The following CDH13 variants were observed in gnomAD, a reference collection of about 807,000 sequenced individuals.
The protein encoded by CDH13 is cadherin 13.
Under a neutral mutation model 63.8 loss-of-function variants are expected in CDH13, and 24 were observed. The ratio of observed to expected loss-of-function variants is 0.38; its 90% CI spans 0.27 to 0.53. The LOEUF (loss-of-function observed/expected upper bound fraction) is 0.53, where lower values mean the gene tolerates loss of function less well. Among genes scored for constraint, CDH13 ranks in the 20% least tolerant of loss-of-function variants. CDH13 has a pLI of 0.85. For synonymous variants in CDH13, 503 were observed against 355.3 expected (o/e 1.42, Z -4.67); for missense variants, 1,049 against 903.1 (o/e 1.16, Z -2.07).
intron 7 of CDH13, among the ~76,000 whole-genome samples, chr16:83,547,983 A>G (rs2075419578): frequency 6.6e-6 from 1 of 152,188 alleles, no homozygotes; most frequent in Non-Finnish European, 1.5e-5. Flanking sequence ...CTTCCTTGGT[A>G]TCTGCAGAGC....
chr16:82,751,809 C>G (rs1302114282), intron 1 of CDH13, among the ~76,000 whole-genome samples: 1 of 152,036 alleles, frequency 6.6e-6, no homozygotes. Flanking sequence ...TTACATACAG[C>G]CTTTAGTTTA....
At chr16:83,331,129 A>T (rs1162473190) in intron 5 of CDH13, among the ~76,000 whole-genome samples, 3 of 152,192 alleles carry the variant, frequency 2.0e-5, no homozygotes, top group African/African-American at 7.2e-5. Context: ...CTGATAAGGG[A>T]CGGACTTGGG....
chr16:83,567,481 G>C (rs1366308610), intron 7 of CDH13, among the ~76,000 whole-genome samples: 1 of 152,294 alleles, frequency 6.6e-6, no homozygotes, highest in East Asian at 1.9e-4. Context: ...GCTAGTAAAT[G>C]GCAGAGCTGG....
intron 5 of CDH13, among the ~76,000 whole-genome samples, chr16:83,251,655 T>C (rs1324827598): frequency 1.3e-5 from 2 of 152,254 alleles, no homozygotes; most frequent in Admixed American, 6.5e-5. Context: ...GGATGGTCTG[T>C]GGCCATTGGC....
chr16:82,748,187 G>A (rs369791803), intron 1 of CDH13, among the ~76,000 whole-genome samples: 1 of 152,134 alleles, frequency 6.6e-6, no homozygotes, highest in Admixed American at 6.5e-5. Flanking sequence ...CCCTGGCCAC[G>A]TCTCTGTAGT....
At chr16:83,720,283 A>G (rs1477591221) in intron 10 of CDH13, among the ~76,000 whole-genome samples, 1 of 151,870 alleles carries the variant, frequency 6.6e-6, no homozygotes, top group Non-Finnish European at 1.5e-5. Flanking sequence ...CTGCACCCAC[A>G]TGCAAGTACT....
intron 1 of CDH13, among the ~76,000 whole-genome samples, chr16:82,708,900 A>C (rs1483294358): frequency 1.3e-5 from 2 of 152,166 alleles, no homozygotes; most frequent in African/African-American, 4.8e-5. Flanking sequence ...TCTCTTATAA[A>C]TTGATAACTT....
intron 5 of CDH13, among the ~76,000 whole-genome samples, chr16:83,274,316 G>C (rs975696764): frequency 3.3e-5 from 5 of 152,192 alleles, no homozygotes; most frequent in Admixed American, 3.3e-4. Context: ...TTGTGGATCA[G>C]AGACCTCTCA....
chr16:83,707,836 C>CAAAAAAAAATAAAA (rs1907341315), intron 10 of CDH13, among the ~76,000 whole-genome samples: 1 of 78,902 alleles, frequency 1.3e-5, no homozygotes, highest in Non-Finnish European at 2.3e-5. Flanking sequence ...ACCCTAAAGG[C>CAAAAAAAAATAAAA]AAAAAAAAAA....
intron 9 of CDH13, among the ~76,000 whole-genome samples, chr16:83,672,318 G>A (rs1914566134): frequency 6.8e-6 from 1 of 146,310 alleles, no homozygotes; most frequent in Non-Finnish European, 1.5e-5. Context: ...TAGATTCTGT[G>A]TCTAGTGAGG....
chr16:83,735,033 G>A (rs928506340), intron 10 of CDH13, among the ~76,000 whole-genome samples: 1 of 151,632 alleles, frequency 6.6e-6, no homozygotes, highest in Non-Finnish European at 1.5e-5. Context: ...CAGTTCTGTG[G>A]GACAATTTGA....
intron 6 of CDH13, among the ~76,000 whole-genome samples, chr16:83,413,325 T>C (rs562599954): frequency 1.3e-5 from 2 of 152,262 alleles, no homozygotes; most frequent in East Asian, 3.9e-4. Context: ...CATAAGAGTA[T>C]TTAGCTTTAA....
intron 4 of CDH13, among the ~76,000 whole-genome samples, chr16:83,209,950 G>C (rs2039292702): frequency 6.6e-6 from 1 of 152,154 alleles, no homozygotes; most frequent in African/African-American, 2.4e-5. Flanking sequence ...TCAGAGGGCT[G>C]TGCCTCATGC....
At chr16:83,139,566 T>A (rs959289163) in intron 4 of CDH13, among the ~76,000 whole-genome samples, 1 of 152,234 alleles carries the variant, frequency 6.6e-6, no homozygotes, top group Admixed American at 6.5e-5. Flanking sequence ...TTTATTTTGT[T>A]ATTTGCATCT....
intron 5 of CDH13, among the ~76,000 whole-genome samples, chr16:83,320,939 T>G (rs2090210399): frequency 6.6e-6 from 1 of 152,344 alleles, no homozygotes; most frequent in South Asian, 2.1e-4. Context: ...GACCAAAATC[T>G]TAGTCTGAAT....
At chr16:83,748,646 T>C (rs1912811370) in intron 11 of CDH13, among the ~76,000 whole-genome samples, 2 of 152,222 alleles carry the variant, frequency 1.3e-5, no homozygotes, top group African/African-American at 4.8e-5. Flanking sequence ...TGAATTGTTC[T>C]TGTAGCTTTT....
chr16:83,051,881 C>T (rs369719322), intron 3 of CDH13, among the ~76,000 whole-genome samples: 16 of 152,178 alleles, frequency 1.1e-4, no homozygotes, highest in South Asian at 6.2e-4. Flanking sequence ...TTTTCTGAGG[C>T]GTCTTTCTTT....
At chr16:82,696,803 A>C (rs1007097950) in intron 1 of CDH13, among the ~76,000 whole-genome samples, 2 of 152,176 alleles carry the variant, frequency 1.3e-5, no homozygotes, top group Non-Finnish European at 2.9e-5. Flanking sequence ...GCAATGAGGT[A>C]CTTGTAGTTC....
At chr16:82,723,811 G>T (rs550435518) in intron 1 of CDH13, among the ~76,000 whole-genome samples, 1 of 152,258 alleles carries the variant, frequency 6.6e-6, no homozygotes, top group African/African-American at 2.4e-5. Flanking sequence ...AAAAATATAA[G>T]AAATTGTGCC....
Sources: gnomAD v4.1 joint callset for allele counts (sites outside exome capture counted in the v4.1 genomes callset) on GRCh38, gnomAD v4.1.1 for gene constraint, MANE v1.5 for transcripts, NCBI Gene and HGNC (gene_info 2026-07-23, HGNC 2026-07-21) for gene names.